Variants in SLC5A9 observed in about 807,000 individuals in gnomAD.
The protein encoded by SLC5A9 is solute carrier family 5 member 9.
SLC5A9 carries 59 observed loss-of-function variants against 70.9 expected under a neutral mutation model. That is an observed-to-expected ratio of 0.83 (90% CI 0.68 to 1.03). SLC5A9 has a LOEUF of 1.03. Ranked by LOEUF, SLC5A9 falls within the 50% of genes least tolerant of loss-of-function variation. SLC5A9 has a pLI of 0.00. For missense variants in SLC5A9, 832 were observed against 881.1 expected (o/e 0.94, Z 0.71); for synonymous variants, 340 against 346.5 (o/e 0.98, Z 0.21).
intron 2 of SLC5A9, chr1:48,227,862 T>C (rs561412329): frequency 5.9e-5 from 9 of 152,342 alleles, no homozygotes; most frequent in African/African-American, 1.9e-4. Context: ...TCCCACATTG[T>C]ATAGGTGAAG....
At chr1:48,244,341 G>T (rs536541346) in intron 13 of SLC5A9, among the ~76,000 whole-genome samples, 1 of 152,144 alleles carries the variant, frequency 6.6e-6, no homozygotes, top group Admixed American at 6.6e-5. Flanking sequence ...CTCAGTTCTC[G>T]TGACTTTGCC....
At chr1:48,237,409 G>C (rs1644341144) in intron 10 of SLC5A9, among the ~76,000 whole-genome samples, 1 of 151,962 alleles carries the variant, frequency 6.6e-6, no homozygotes, top group South Asian at 2.1e-4. Flanking sequence ...AGCAACAGGT[G>C]GGTGACATGA....
At chr1:48,228,446 TG>T in intron 2 of SLC5A9, 1 of 189,674 alleles carries the variant, frequency 5.3e-6, no homozygotes, top group Non-Finnish European at 1.1e-5. Context: ...TGGCTATCCC[TG>T]GGGTGGTGGG....
rs1644470921 is a variant in SLC5A9, at chr1:48,247,317, C to A, written c.1838-18C>A. The A allele has an allele frequency of 6.2e-7, 1 of 1,611,882 alleles. No individual in the cohort carries two copies. The highest frequency in any genetic ancestry group is 8.5e-7 in the Non-Finnish European group (1 of 1,178,406). ...CTCCCCTCCTGCTCTCCTTTGTCTT[C>A]TGGCTTTGTCCCTCCAGCCCCAAGC... On this transcript the variant is annotated intron_variant, in intron 13 of 13. Transcript: ENST00000438567.
At chr1:48,241,904 C>T (rs778412499) in intron 12 of SLC5A9, 5 of 456,074 alleles carry the variant, frequency 1.1e-5, no homozygotes, top group Admixed American at 4.7e-5. Flanking sequence ...TTCAGTCAGT[C>T]ATGGTGTCCT....
chr1:48,235,992 CG>C, intron 10 of SLC5A9, 113 bp downstream of exon 10: 1 of 1,211,456 alleles, frequency 8.3e-7, no homozygotes, highest in Non-Finnish European at 1.2e-6. Context: ...GCCAGAGCAC[CG>C]GGTTCAAGCT....
intron 2 of SLC5A9, 180 bp from the exon 3 acceptor site, chr1:48,228,670 C>T (rs544225291): frequency 6.0e-6 from 6 of 1,000,294 alleles, no homozygotes; most frequent in South Asian, 5.4e-5. Flanking sequence ...TCCTCTGTAA[C>T]CTGGGATGAC....
Position 48,247,680 on chromosome 1 carries a change from T to C in SLC5A9, c.*137T>C. On this transcript the variant is annotated 3_prime_UTR_variant, in exon 14 of 14. Coordinates refer to ENST00000438567, the MANE Select transcript of SLC5A9 (RefSeq NM_001011547.3). ...AGACTGCAAGCTCCCCTGAAGAGAA[T>C]CCAACTCAACCTGCACACTTGACAA... is the stretch of plus-strand genomic sequence containing the variant. 1 of 814,182 alleles carries C rather than the reference T, an allele frequency of 1.2e-6. No homozygotes were observed. The highest frequency in any genetic ancestry group is 2.2e-5 in the Admixed American group (1 of 45,070). The allele number at this position is 814,182 out of a possible 1,614,324, so 50.4% of individuals were successfully genotyped here.
At position 48,222,758 on chromosome 1, in the gene SLC5A9, A is replaced by G; in HGVS notation, c.22A>G (p.Met8Val). 2 of 1,614,114 alleles carry G rather than the reference A, an allele frequency of 1.2e-6. No homozygotes were observed. Among genetic ancestry groups the G allele is most frequent in the South Asian group, 1.1e-5 (1 of 91,074 alleles). ...ACAGATGAGCAAGGAGCTGGCAGCA[A>G]TGGGGCCTGGAGCTTCAGGGGACGG... MSKELAA[M>V]GPGASGDGVR... The change falls in exon 1 of 14, where the codon ATG becomes GTG. Residue 8 changes from methionine (M) to valine (V), a missense_variant. Coordinates refer to ENST00000438567, the MANE Select transcript of SLC5A9 (RefSeq NM_001011547.3).
At chr1:48,245,593 T>C (rs1644451941) in intron 13 of SLC5A9, among the ~76,000 whole-genome samples, 1 of 152,120 alleles carries the variant, frequency 6.6e-6, no homozygotes. Flanking sequence ...ATCAGGAATA[T>C]GGAAGAGGCA....
At chr1:48,244,651 C>T (rs1486702487) in intron 13 of SLC5A9, among the ~76,000 whole-genome samples, 1 of 146,852 alleles carries the variant, frequency 6.8e-6, no homozygotes, top group East Asian at 2.0e-4. Context: ...CGAAGATCAA[C>T]ATCACCCTGC....
At chr1:48,222,963 C>A in intron 1 of SLC5A9, 65 bp downstream of exon 1, 2 of 1,558,690 alleles carry the variant, frequency 1.3e-6, no homozygotes, top group Non-Finnish European at 1.8e-6. Context: ...TTGGGTGGGG[C>A]TGTGGAGCTG....
At chr1:48,223,844 C>G (rs1298951353) in intron 1 of SLC5A9, among the ~76,000 whole-genome samples, 1 of 152,170 alleles carries the variant, frequency 6.6e-6, no homozygotes, top group Non-Finnish European at 1.5e-5. Context: ...AGCACCAACT[C>G]CTCTGTGACT....
intron 10 of SLC5A9, among the ~76,000 whole-genome samples, chr1:48,236,660 G>T (rs1644331926): frequency 6.6e-6 from 1 of 152,220 alleles, no homozygotes; most frequent in African/African-American, 2.4e-5. Flanking sequence ...CTCCCACTTT[G>T]TGGATAGGTA....
intron 1 of SLC5A9, among the ~76,000 whole-genome samples, chr1:48,224,220 G>A (rs1352487919): frequency 6.6e-6 from 1 of 152,156 alleles, no homozygotes; most frequent in African/African-American, 2.4e-5. Flanking sequence ...TTTCAACCCA[G>A]GGCAAGGGAA....
chr1:48,231,784 T>C, intron 6 of SLC5A9, 159 bp downstream of exon 6: 1 of 1,505,548 alleles, frequency 6.6e-7, no homozygotes, highest in Non-Finnish European at 8.9e-7. Flanking sequence ...GGGTTCTCGC[T>C]ACTTCAAACC....
At chr1:48,231,831 C>A in intron 6 of SLC5A9, 115 bp from the exon 7 acceptor site, 1 of 1,550,382 alleles carries the variant, frequency 6.5e-7, no homozygotes. Flanking sequence ...TCCTCCTTCA[C>A]CCCCAATCCC....
At chr1:48,229,232 G>A in intron 3 of SLC5A9, 63 bp from the exon 4 acceptor site, 5 of 1,614,042 alleles carry the variant, frequency 3.1e-6, no homozygotes, top group Non-Finnish European at 4.2e-6. Flanking sequence ...CCTCTGGGTG[G>A]GAAGCCGCCC....
rs1188311926 is a variant in SLC5A9 at position 48,222,981 on chromosome 1, G to T, written c.162+83G>T. 3 of 1,453,222 alleles carry T rather than the reference G, an allele frequency of 2.1e-6. No individual in the cohort carries two copies. The East Asian group carries it at 7.0e-5, about 34-fold the overall frequency. The allele number at this position is 1,453,222 out of a possible 1,614,324, so 90.0% of individuals were successfully genotyped here. A position where few individuals can be genotyped will look rare whatever the true frequency, so the allele number is the denominator to read the frequency against. On this transcript the variant is annotated intron_variant, in intron 1 of 13. Coordinates refer to ENST00000438567, the MANE Select transcript of SLC5A9 (RefSeq NM_001011547.3). Reference sequence around the variant, plus strand: ...GGTGGGGCTGTGGAGCTGGGGCAGGGCTAGGCAGAAAGAAGCAGATCATAG... The same window carrying T: ...GGTGGGGCTGTGGAGCTGGGGCAGGTCTAGGCAGAAAGAAGCAGATCATAG...
Sources: allele counts gnomAD v4.1 joint callset (sites outside exome capture counted in the v4.1 genomes callset), GRCh38; gene constraint gnomAD v4.1.1; transcripts MANE v1.5; gene names NCBI Gene and HGNC (gene_info 2026-07-23, HGNC 2026-07-21).